RBFOX1: variants seen among roughly 807,000 people sequenced by gnomAD.
RBFOX1 encodes RNA binding fox-1 homolog 1.
RBFOX1 carries 8 observed loss-of-function variants against 57.7 expected under a neutral mutation model. The ratio of observed to expected loss-of-function variants is 0.14; its 90% confidence interval spans 0.08 to 0.25. The LOEUF is 0.25. Ranked by LOEUF, RBFOX1 falls within the 10% of genes least tolerant of loss-of-function variation. The pLI, the probability that RBFOX1 is intolerant of heterozygous loss-of-function variation, is 1.00. For synonymous variants in RBFOX1, 326 were observed against 222.4 expected (o/e 1.47, Z -4.15); for missense variants, 611 against 548.5 (o/e 1.11, Z -1.14).
In RBFOX1 at chr16:7,433,036, A is replaced by G. The variant is rs916775007; in HGVS notation, c.28-85111A>G. Among the ~76,000 whole-genome samples, 4 of 152,180 alleles carry G rather than the reference A, an allele frequency of 2.6e-5. No homozygotes were observed. In the East Asian group the frequency reaches 5.8e-4, roughly 22 times the overall value. ...TGTAGCCCCCAGCAAATGCCACGCA[A>G]AATTCCCGCATAATCTTGTTTTCCC... is the stretch of plus-strand genomic sequence containing the variant. On this transcript the variant is annotated intron_variant, in intron 4 of 15. Coordinates refer to ENST00000550418, the MANE Select transcript of RBFOX1 (RefSeq NM_018723.4).
chr16:6,774,727 A>G (rs1040385144), intron 3 of RBFOX1, among the ~76,000 whole-genome samples: 3 of 151,384 alleles, frequency 2.0e-5, no homozygotes, highest in Non-Finnish European at 4.4e-5. Flanking sequence ...AATACTAATT[A>G]TAACTATTAG....
intron 2 of RBFOX1, among the ~76,000 whole-genome samples, chr16:6,369,373 G>T (rs2090113153): frequency 6.6e-6 from 1 of 152,088 alleles, no homozygotes; most frequent in Non-Finnish European, 1.5e-5. Flanking sequence ...TTTAAAAAAT[G>T]GAAAAACATT....
At chr16:5,732,183 A>T (rs1044226398) in intron 3 of RBFOX1, among the ~76,000 whole-genome samples, 1 of 152,234 alleles carries the variant, frequency 6.6e-6, no homozygotes, top group Admixed American at 6.5e-5. Flanking sequence ...CACCTGCTGC[A>T]TGGAGATAAT....
intron 13 of RBFOX1, among the ~76,000 whole-genome samples, 197 bp downstream of exon 13, chr16:7,665,165 G>A (rs2068861487): frequency 6.6e-6 from 1 of 152,040 alleles, no homozygotes; most frequent in African/African-American, 2.4e-5. Flanking sequence ...CTGTTTAGTG[G>A]GGTGGAATTA....
intron 3 of RBFOX1, among the ~76,000 whole-genome samples, chr16:6,678,044 T>A (rs1310476764): frequency 2.0e-5 from 3 of 152,220 alleles, no homozygotes; most frequent in Non-Finnish European, 4.4e-5. Flanking sequence ...ACAGCTGAAA[T>A]TAATTTTCCT....
At chr16:7,284,275 C>T (rs559846486) in intron 4 of RBFOX1, among the ~76,000 whole-genome samples, 59 of 152,290 alleles carry the variant, frequency 3.9e-4, no homozygotes, top group African/African-American at 1.4e-3. Flanking sequence ...TCTTAGTTCT[C>T]CTGGGTAAAT....
chr16:5,267,734 A>G (rs372310466), intron 1 of RBFOX1, among the ~76,000 whole-genome samples: 65 of 152,292 alleles, frequency 4.3e-4, no homozygotes, highest in East Asian at 2.1e-3. Flanking sequence ...CTGTTTATTC[A>G]ACAAACTTGT....
At chr16:6,171,245 TA>T (rs146726189) in intron 1 of RBFOX1, among the ~76,000 whole-genome samples, 38 of 152,350 alleles carry the variant, frequency 2.5e-4, no homozygotes, top group African/African-American at 8.4e-4. Context: ...ACATATTTTG[TA>T]AATATTTTCC....
intron 4 of RBFOX1, among the ~76,000 whole-genome samples, chr16:7,448,990 C>T (rs982014472): frequency 8.3e-6 from 1 of 120,212 alleles, no homozygotes; most frequent in Non-Finnish European, 1.6e-5. Context: ...AGTGCAATGG[C>T]GCGATATCGG....
intron 2 of RBFOX1, among the ~76,000 whole-genome samples, chr16:6,379,391 A>G (rs957600382): frequency 1.3e-5 from 2 of 152,144 alleles, no homozygotes; most frequent in African/African-American, 2.4e-5. Context: ...TTGTTCCACC[A>G]TAATTTCTAA....
At chr16:6,727,559 A>C (rs532457587) in intron 3 of RBFOX1, among the ~76,000 whole-genome samples, 1 of 152,106 alleles carries the variant, frequency 6.6e-6, no homozygotes, top group Admixed American at 6.5e-5. Context: ...AGGGAACCGT[A>C]CAAACAGCTC....
At chr16:5,420,276 C>G (rs944081065) in intron 1 of RBFOX1, among the ~76,000 whole-genome samples, 2 of 152,058 alleles carry the variant, frequency 1.3e-5, no homozygotes, top group Non-Finnish European at 2.9e-5. Flanking sequence ...TTTTAGGTAA[C>G]CAGGGAATAG....
intron 4 of RBFOX1, among the ~76,000 whole-genome samples, chr16:7,234,909 A>G (rs918283270): frequency 6.6e-6 from 1 of 152,088 alleles, no homozygotes; most frequent in African/African-American, 2.4e-5. Flanking sequence ...ACATCTCCCA[A>G]TTCCATTTTC....
At chr16:6,770,262 G>C (rs2078064535) in intron 3 of RBFOX1, among the ~76,000 whole-genome samples, 1 of 152,028 alleles carries the variant, frequency 6.6e-6, no homozygotes, top group Non-Finnish European at 1.5e-5. Flanking sequence ...ATCTCCACAG[G>C]CTCCTCATTT....
chr16:5,620,129 C>T (rs922495009), intron 3 of RBFOX1, among the ~76,000 whole-genome samples: 4 of 152,060 alleles, frequency 2.6e-5, no homozygotes, highest in African/African-American at 9.7e-5. Context: ...AGTCAGGTGG[C>T]AATGTTTCTG....
At chr16:6,948,375 C>CTTTTTTTTTTTTTTTTTTTT (rs968186299) in intron 3 of RBFOX1, among the ~76,000 whole-genome samples, 5 of 67,970 alleles carry the variant, frequency 7.4e-5, no homozygotes, top group Admixed American at 1.6e-4. Context: ...TTCTCCCTTT[C>CTTTTTTTTTTTTTTTTTTTT]TTTTTTTTTT....
chr16:7,121,395 C>T (rs1208747710), intron 4 of RBFOX1, among the ~76,000 whole-genome samples: 2 of 151,996 alleles, frequency 1.3e-5, no homozygotes, highest in South Asian at 2.1e-4. Context: ...TAGGTGAAAA[C>T]ATAAATATCA....
At chr16:7,468,917 A>G (rs1296730064) in intron 4 of RBFOX1, among the ~76,000 whole-genome samples, 2 of 151,826 alleles carry the variant, frequency 1.3e-5, no homozygotes, top group African/African-American at 2.4e-5. Flanking sequence ...GTCTTGAGCC[A>G]TGGTCCCAGC....
At chr16:6,563,889 TGTATATGTGC>T (rs796915287) in intron 2 of RBFOX1, among the ~76,000 whole-genome samples, 16 of 151,982 alleles carry the variant, frequency 1.1e-4, no homozygotes, top group African/African-American at 3.6e-4. Flanking sequence ...TGTGTGTGTG[TGTATATGTGC>T]GTATATGTGT....
Sources: gnomAD v4.1 joint callset for allele counts (sites outside exome capture counted in the v4.1 genomes callset) on GRCh38, gnomAD v4.1.1 for gene constraint, MANE v1.5 for transcripts, NCBI Gene and HGNC (gene_info 2026-07-23, HGNC 2026-07-21) for gene names.